The following ZER1 variants were observed in gnomAD, a reference collection of about 807,000 sequenced individuals.
ZER1 encodes zyg-11 related cell cycle regulator, also known as protein zer-1 homolog.
A neutral mutation model predicts 78.8 loss-of-function variants in ZER1; 11 were observed. The ratio of observed to expected loss-of-function variants is 0.14; its 90% CI spans 0.09 to 0.23. The LOEUF (loss-of-function observed/expected upper bound fraction) is 0.23, where lower values mean the gene tolerates loss of function less well. ZER1 is among the 10% of genes least tolerant of loss of function. ZER1 has a pLI of 1.00. For missense variants in ZER1, 588 were observed against 996.9 expected, an observed-to-expected ratio of 0.59 and a Z score of 5.52; for synonymous variants, 400 against 407.0, an observed-to-expected ratio of 0.98 and a Z score of 0.21.
intron 8 of ZER1, among the ~76,000 whole-genome samples, chr9:128,749,935 C>T (rs555773647): frequency 1.5e-4 from 23 of 151,696 alleles, no homozygotes; most frequent in African/African-American, 4.8e-4. Flanking sequence ...CCCAGCTACT[C>T]GGGAGGCTGA....
At chr9:128,744,622 G>T (rs1863424516) in intron 8 of ZER1, among the ~76,000 whole-genome samples, 1 of 151,978 alleles carries the variant, frequency 6.6e-6, no homozygotes, top group East Asian at 1.9e-4. Context: ...GCGATTACAG[G>T]CTCCAGCCAC....
intron 8 of ZER1, among the ~76,000 whole-genome samples, chr9:128,747,929 A>C (rs1265718727): frequency 6.6e-6 from 1 of 152,136 alleles, no homozygotes; most frequent in Non-Finnish European, 1.5e-5. Flanking sequence ...TAAGCATTAG[A>C]TATCTTTTGT....
Position 128,740,129 on chromosome 9 carries a change from G to A in ZER1, c.1854-10C>T, listed in dbSNP as rs1328046515. The A allele has an allele frequency of 1.3e-6, 2 of 1,580,030 alleles. No individual in the cohort carries two copies. Among genetic ancestry groups the A allele is most frequent in the South Asian group, 1.1e-5 (1 of 88,822 alleles). On this transcript the variant is annotated splice_polypyrimidine_tract_variant and intron_variant, in intron 12 of 15. Transcript: ENST00000291900. This position sits in a 1 kb window ranked among gnomAD's most constrained non-coding sequence, Gnocchi z 4.4. Reference sequence around the variant, plus strand: ...GCTCTCCAACAGGTTGCTGCCAGGAGAAAGACAGAAAAATGGAGTCCCACT... The same window carrying A: ...GCTCTCCAACAGGTTGCTGCCAGGAAAAAGACAGAAAAATGGAGTCCCACT...
chr9:128,768,025 A>G (rs1864270361), intron 1 of ZER1, among the ~76,000 whole-genome samples: 1 of 152,202 alleles, frequency 6.6e-6, no homozygotes, highest in Non-Finnish European at 1.5e-5. Flanking sequence ...CGTGTTGTGA[A>G]CAGGGTTGCT....
chr9:128,764,196 T>C (rs928671141), intron 1 of ZER1, among the ~76,000 whole-genome samples: 1 of 152,034 alleles, frequency 6.6e-6, no homozygotes, highest in Admixed American at 6.5e-5. Context: ...ACACTCAATG[T>C]GGGGCCTGCC....
chr9:128,767,216 T>A (rs10819439), intron 1 of ZER1, among the ~76,000 whole-genome samples: 65,229 of 151,454 alleles, frequency 0.43, 14,503 homozygotes, highest in East Asian at 0.62. Context: ...GTGCTGGGAT[T>A]ACAGGTGTGA....
Position 128,751,677 on chromosome 9 carries a change from A to G in ZER1, c.924-150T>C, listed in dbSNP as rs991347686. 8.4e-5 allele frequency: 55 copies of G among 651,222 alleles called. No individual in the cohort carries two copies. In the Middle Eastern group the frequency reaches 9.0e-4, roughly 11 times the overall value. 40.3% of individuals were successfully genotyped at this position (651,222 alleles called of 1,614,324 possible). A position where few individuals can be genotyped will look rare whatever the true frequency, so the allele number is the denominator to read the frequency against. On this transcript the variant is annotated intron_variant, in intron 5 of 15. Coordinates refer to ENST00000291900, the MANE Select transcript of ZER1 (RefSeq NM_006336.4). This position sits in a 1 kb window ranked among gnomAD's most constrained non-coding sequence, Gnocchi z 5.4. ...TTTTGTTTTTAATGGTAGGGGACAT[A>G]AGCACCACCTCCTGATGGAAGCATG...
In ZER1 at chr9:128,742,568, C is replaced by T. The variant is rs1332006060; in HGVS notation, c.1537G>A (p.Asp513Asn). ...CNALVCQVDN[D>N]HKEAVGKMGF... Reference sequence around the variant, plus strand: ...ATCTTGCCCACGGCCTCCTTGTGGTCGTTGTCTACCTGGCAGACCAGGGCA... The same window carrying T: ...ATCTTGCCCACGGCCTCCTTGTGGTTGTTGTCTACCTGGCAGACCAGGGCA... The change falls in exon 9 of 16, where the codon GAC becomes AAC. Residue 513 changes from aspartate to asparagine, a missense_variant. Physicochemically the swap from Asp to Asn is conservative, Grantham distance 23 (BLOSUM62 1). Around this residue, in one of 3 missense-constraint regions of ZER1, gnomAD observed 60 missense variants for 163.3 expected, o/e 0.37. Coordinates refer to ENST00000291900, the MANE Select transcript of ZER1 (RefSeq NM_006336.4). 4 of 1,614,210 alleles carry T rather than the reference C, an allele frequency of 2.5e-6. No individual in the cohort carries two copies. The highest frequency in any genetic ancestry group is 1.1e-5 in the South Asian group (1 of 91,074).
intron 1 of ZER1, among the ~76,000 whole-genome samples, chr9:128,761,699 G>T (rs1416729122): frequency 6.6e-6 from 1 of 151,184 alleles, no homozygotes; most frequent in African/African-American, 2.4e-5. Flanking sequence ...CCGCCTCCTG[G>T]GTTCATGCCA....
At chr9:128,736,258 G>A (rs1863074949) in intron 13 of ZER1, among the ~76,000 whole-genome samples, 1 of 150,806 alleles carries the variant, frequency 6.6e-6, no homozygotes, top group Non-Finnish European at 1.5e-5. Context: ...CCTAAATTTT[G>A]TATTTTTGGT....
chr9:128,744,464 G>A (rs1296424521), intron 8 of ZER1, among the ~76,000 whole-genome samples: 1 of 146,802 alleles, frequency 6.8e-6, no homozygotes, highest in Non-Finnish European at 1.5e-5. Context: ...GATTACAGAT[G>A]TGAGCCACCG....
intron 13 of ZER1, among the ~76,000 whole-genome samples, chr9:128,735,763 T>G (rs1462277911): frequency 2.0e-5 from 1 of 50,940 alleles, no homozygotes; most frequent in African/African-American, 1.0e-4. Flanking sequence ...GTGACCTGGT[T>G]TTTTTTTTTT....
chr9:128,753,728 G>A lies in ZER1; in HGVS notation c.309+81C>T. The stretch of plus-strand genomic sequence containing the variant: ...AGTCACGGTGCACACTGGCTGGGCT[G>A]GGGATGGCTGGGCTGGAGGCGAGCA... On this transcript the variant is annotated intron_variant, in intron 3 of 15. Transcript: ENST00000291900. This position sits in a 1 kb window ranked among gnomAD's most constrained non-coding sequence, Gnocchi z 7.5. The A allele has an allele frequency of 6.4e-7, 1 of 1,560,962 alleles. No homozygotes were observed. The highest frequency in any genetic ancestry group is 2.3e-5 in the East Asian group (1 of 43,814).
At chr9:128,733,562 A>G (rs1400975121) in intron 14 of ZER1, 34 bp from the exon 15 acceptor site, 2 of 1,590,748 alleles carry the variant, frequency 1.3e-6, no homozygotes, top group African/African-American at 1.3e-5. Flanking sequence ...GAGGATCAGG[A>G]TGGGTCTTCT....
chr9:128,734,407 G>A (rs1467568164), intron 14 of ZER1, among the ~76,000 whole-genome samples: 2 of 150,986 alleles, frequency 1.3e-5, no homozygotes, highest in African/African-American at 4.9e-5. Context: ...ATGTTGGCCA[G>A]GGTGGTCTCA....
chr9:128,742,384 G>A, intron 9 of ZER1, 146 bp downstream of exon 9: 1 of 907,848 alleles, frequency 1.1e-6, no homozygotes, highest in East Asian at 2.4e-5. Flanking sequence ...TCTTCCTTTG[G>A]TCTAGCCTAA....
At chr9:128,741,140 C>G (rs903848229) in intron 11 of ZER1, among the ~76,000 whole-genome samples, 1 of 152,190 alleles carries the variant, frequency 6.6e-6, no homozygotes, top group Non-Finnish European at 1.5e-5. Context: ...AGACGTGGTT[C>G]TGTTCACCAA....
At chr9:128,747,784 A>G (rs1863543807) in intron 8 of ZER1, among the ~76,000 whole-genome samples, 1 of 152,126 alleles carries the variant, frequency 6.6e-6, no homozygotes, top group Admixed American at 6.6e-5. Flanking sequence ...ATGCCCGGCT[A>G]ATTTTTGTAG....
intron 1 of ZER1, among the ~76,000 whole-genome samples, chr9:128,769,885 G>A (rs762949316): frequency 6.6e-6 from 1 of 152,090 alleles, no homozygotes; most frequent in Non-Finnish European, 1.5e-5. Context: ...ACTTACAACC[G>A]AAGCCCCAAG....
Sources: gnomAD v4.1 joint callset for allele counts (sites outside exome capture counted in the v4.1 genomes callset) on GRCh38, gnomAD v4.1.1 for gene constraint, gnomAD v4.1.1 regional missense constraint, Gnocchi (gnomAD v3.1) non-coding constraint, MANE v1.5 for transcripts, NCBI Gene and HGNC (gene_info 2026-07-23, HGNC 2026-07-21) for gene names.